Variants in TTC28 observed in about 807,000 individuals in gnomAD.
TTC28 encodes tetratricopeptide repeat protein 28.
Under a neutral mutation model 198.0 loss-of-function variants are expected in TTC28, and 61 were observed. That is an observed-to-expected ratio of 0.31 (90% CI 0.25 to 0.38). TTC28 has a LOEUF of 0.38. Among genes scored for constraint, TTC28 ranks in the 10% least tolerant of loss-of-function variants. The pLI, the probability that TTC28 is intolerant of heterozygous loss-of-function variation, is 1.00. For missense variants in TTC28, 2,678 were observed against 3,164.0 expected, an observed-to-expected ratio of 0.85 and a Z score of 3.69; for synonymous variants, 1,171 against 1,297.8, an observed-to-expected ratio of 0.90 and a Z score of 2.10.
chr22:28,265,617 C>T (rs1931633704), intron 5 of TTC28, among the ~76,000 whole-genome samples: 1 of 152,154 alleles, frequency 6.6e-6, no homozygotes, highest in African/African-American at 2.4e-5. Flanking sequence ...CAAAAATCAT[C>T]TCCTATGTCA....
intron 2 of TTC28, among the ~76,000 whole-genome samples, chr22:28,477,512 G>GA: frequency 6.6e-6 from 1 of 151,962 alleles, no homozygotes; most frequent in Non-Finnish European, 1.5e-5. Flanking sequence ...AAAATACAAG[G>GA]AAAAAAAGAC....
intron 2 of TTC28, among the ~76,000 whole-genome samples, chr22:28,401,203 G>GAGGAGT (rs1272061294): frequency 6.6e-6 from 1 of 152,036 alleles, no homozygotes; most frequent in Non-Finnish European, 1.5e-5. Context: ...GGAGGAGGAG[G>GAGGAGT]AGGATGACGA....
intron 2 of TTC28, among the ~76,000 whole-genome samples, chr22:28,352,769 T>G (rs1483646218): frequency 1.3e-5 from 2 of 152,100 alleles, no homozygotes; most frequent in Non-Finnish European, 2.9e-5. Context: ...ACCAGGATAG[T>G]GATGTAGATG....
At chr22:28,272,526 G>A (rs1174072415) in intron 5 of TTC28, among the ~76,000 whole-genome samples, 1 of 152,092 alleles carries the variant, frequency 6.6e-6, no homozygotes, top group Non-Finnish European at 1.5e-5. Context: ...GATCCAAAAG[G>A]TGTAATTCTA....
intron 5 of TTC28, among the ~76,000 whole-genome samples, chr22:28,231,737 G>C (rs1928821815): frequency 6.6e-6 from 1 of 152,258 alleles, no homozygotes; most frequent in Non-Finnish European, 1.5e-5. Context: ...AAGGAAGACA[G>C]TTGTTGTTCC....
intron 12 of TTC28, among the ~76,000 whole-genome samples, chr22:28,054,177 G>C (rs1940187873): frequency 6.6e-6 from 1 of 152,192 alleles, no homozygotes; most frequent in Admixed American, 6.5e-5. Flanking sequence ...GTGAAGGCAA[G>C]AATGGAGAGG....
chr22:28,191,805 G>A (rs763937368), intron 5 of TTC28, among the ~76,000 whole-genome samples: 30 of 152,188 alleles, frequency 2.0e-4, no homozygotes, highest in Non-Finnish European at 1.3e-4. Flanking sequence ...CTCGAACTGG[G>A]TGGAGCCCAC....
chr22:28,421,098 T>C (rs1021904067), intron 2 of TTC28, among the ~76,000 whole-genome samples: 1 of 152,218 alleles, frequency 6.6e-6, no homozygotes, highest in African/African-American at 2.4e-5. Context: ...AGTTGCAACC[T>C]GTAGAGACTG....
At chr22:28,280,673 T>C (rs1263230718) in intron 5 of TTC28, among the ~76,000 whole-genome samples, 1 of 152,216 alleles carries the variant, frequency 6.6e-6, no homozygotes, top group Non-Finnish European at 1.5e-5. Flanking sequence ...TATTTATTAT[T>C]ATCTCTGGAG....
In TTC28 at chr22:28,163,244, T is replaced by C. The variant is rs1921450572; in HGVS notation, c.1289A>G (p.Lys430Arg). The C allele has an allele frequency of 2.6e-6, 4 of 1,551,698 alleles. No individual in the cohort carries two copies. Among genetic ancestry groups the C allele is most frequent in the Non-Finnish European group, 2.6e-6 (3 of 1,147,036 alleles). ...VLELAQELME[K>R]AIEMRAYAGL... The stretch of plus-strand genomic sequence containing the variant: ...AGCATAGGCCCGCATCTCAATAGCC[T>C]TCTCCATCAACTCCTGTGCCAGCTC... Residue 430 changes from lysine (K) to arginine (R), a missense_variant, in exon 6 of 23, where the codon AAG (lysine) becomes AGG (arginine). By Grantham distance (26) the Lys-to-Arg change is conservative. Around this residue, in one of 8 missense-constraint regions of TTC28, gnomAD observed 775 missense variants for 845.9 expected, o/e 0.92. Transcript: ENST00000397906.
At chr22:28,329,137 C>T (rs2045578221) in intron 2 of TTC28, among the ~76,000 whole-genome samples, 1 of 152,116 alleles carries the variant, frequency 6.6e-6, no homozygotes, top group African/African-American at 2.4e-5. Context: ...TGTCCTATAA[C>T]TTACCCCCAA....
At chr22:28,331,904 T>C (rs2045622620) in intron 2 of TTC28, among the ~76,000 whole-genome samples, 2 of 152,046 alleles carry the variant, frequency 1.3e-5, no homozygotes, top group African/African-American at 2.4e-5. Flanking sequence ...CAAACTAATA[T>C]CAATAAAGTG....
intron 2 of TTC28, among the ~76,000 whole-genome samples, chr22:28,493,528 G>C (rs2048408022): frequency 6.6e-6 from 1 of 152,154 alleles, no homozygotes; most frequent in South Asian, 2.1e-4. Flanking sequence ...TTGTTTTGTA[G>C]ATGTTTTCCA....
At chr22:28,138,911 A>G (rs1382606327) in intron 6 of TTC28, among the ~76,000 whole-genome samples, 1 of 152,240 alleles carries the variant, frequency 6.6e-6, no homozygotes, top group Admixed American at 6.5e-5. Flanking sequence ...AATAGAGAAT[A>G]ACAATGACCA....
At chr22:28,084,956 A>G in intron 12 of TTC28, among the ~76,000 whole-genome samples, 1 of 152,176 alleles carries the variant, frequency 6.6e-6, no homozygotes, top group East Asian at 1.9e-4. Context: ...AGAGAAGTTT[A>G]GAGAAAAAAG....
chr22:28,563,543 T>A (rs1323249190), intron 2 of TTC28, among the ~76,000 whole-genome samples: 1 of 152,158 alleles, frequency 6.6e-6, no homozygotes, highest in East Asian at 1.9e-4. Flanking sequence ...GCACATGAAA[T>A]GATGTTCAAC....
chr22:28,552,249 A>G (rs1382494677), intron 2 of TTC28, among the ~76,000 whole-genome samples: 1 of 152,218 alleles, frequency 6.6e-6, no homozygotes, highest in Non-Finnish European at 1.5e-5. Context: ...AACAAATGGA[A>G]ACACAACCCA....
At chr22:28,614,597 T>C (rs1384170034) in intron 2 of TTC28, among the ~76,000 whole-genome samples, 2 of 152,066 alleles carry the variant, frequency 1.3e-5, no homozygotes, top group African/African-American at 2.4e-5. Flanking sequence ...AAAACAGATA[T>C]ATAGATCAAC....
At chr22:28,123,428 G>T (rs1037330811) in intron 6 of TTC28, among the ~76,000 whole-genome samples, 5 of 151,838 alleles carry the variant, frequency 3.3e-5, no homozygotes, top group Non-Finnish European at 5.9e-5. Context: ...GCTAATTTTT[G>T]TATTTTTTAG....
Sources: allele counts gnomAD v4.1 joint callset (sites outside exome capture counted in the v4.1 genomes callset), GRCh38; gene constraint gnomAD v4.1.1; regional missense constraint gnomAD v4.1.1; transcripts MANE v1.5; gene names NCBI Gene and HGNC (gene_info 2026-07-23, HGNC 2026-07-21).